Variants in SCUBE1 observed in about 807,000 individuals in gnomAD.
SCUBE1 encodes signal peptide, CUB and EGF-like domain-containing protein 1.
A neutral mutation model predicts 124.4 loss-of-function variants in SCUBE1; 59 were observed. That is an observed-to-expected ratio of 0.47 (90% CI 0.38 to 0.59). SCUBE1 has a LOEUF of 0.59. Among genes scored for constraint, SCUBE1 ranks in the 20% least tolerant of loss-of-function variants. The probability of loss-of-function intolerance (pLI) is 0.00; values close to 1 mark genes in which losing one functional copy is unlikely to be tolerated. For missense variants in SCUBE1, 1,150 were observed against 1,371.2 expected (o/e 0.84, Z 2.55); for synonymous variants, 545 against 550.9 (o/e 0.99, Z 0.15).
intron 3 of SCUBE1, among the ~76,000 whole-genome samples, chr22:43,293,100 T>C (rs1003351751): frequency 1.9e-4 from 29 of 151,882 alleles, no homozygotes; most frequent in African/African-American, 7.0e-4. Flanking sequence ...GGGTGGCGAG[T>C]GGTCGCCTCC....
At chr22:43,246,429 A>T (rs1040456772) in intron 6 of SCUBE1, among the ~76,000 whole-genome samples, 1 of 152,168 alleles carries the variant, frequency 6.6e-6, no homozygotes. Flanking sequence ...CGGACCCTCC[A>T]GCTGTGTGTG....
intron 10 of SCUBE1, among the ~76,000 whole-genome samples, chr22:43,223,971 A>G (rs1341660194): frequency 1.3e-5 from 2 of 152,228 alleles, no homozygotes; most frequent in African/African-American, 4.8e-5. Context: ...ACCTGCCTGG[A>G]ATAAGCTTTG....
intron 7 of SCUBE1, 65 bp from the exon 8 acceptor site, chr22:43,231,940 G>A: frequency 6.3e-7 from 1 of 1,590,240 alleles, no homozygotes. Flanking sequence ...ACCAGCGGGG[G>A]GACGGCAGGC....
chr22:43,271,763 G>C (rs1924301619), intron 4 of SCUBE1, among the ~76,000 whole-genome samples: 1 of 152,146 alleles, frequency 6.6e-6, no homozygotes, highest in African/African-American at 2.4e-5. Context: ...ATCCCTAGGG[G>C]GTAGTCCCCT....
At chr22:43,269,360 A>G (rs1924202456) in intron 4 of SCUBE1, among the ~76,000 whole-genome samples, 1 of 152,180 alleles carries the variant, frequency 6.6e-6, no homozygotes, top group African/African-American at 2.4e-5. Flanking sequence ...GCCCCGAGCC[A>G]GTGCGTACAT....
intron 6 of SCUBE1, among the ~76,000 whole-genome samples, chr22:43,247,403 A>C (rs1923259108): frequency 6.6e-6 from 1 of 152,192 alleles, no homozygotes; most frequent in South Asian, 2.1e-4. Context: ...GGATAACCAG[A>C]AAGGATCACC....
intron 6 of SCUBE1, among the ~76,000 whole-genome samples, chr22:43,256,639 G>A (rs1285064136): frequency 6.6e-6 from 1 of 152,258 alleles, no homozygotes; most frequent in South Asian, 2.1e-4. Flanking sequence ...AAGAAAGGAT[G>A]ATTCAGGTGG....
At chr22:43,310,517 C>T (rs903087069) in intron 3 of SCUBE1, among the ~76,000 whole-genome samples, 1 of 152,222 alleles carries the variant, frequency 6.6e-6, no homozygotes, top group African/African-American at 2.4e-5. Flanking sequence ...AGCAAAGATG[C>T]TTCCAGATGA....
intron 14 of SCUBE1, among the ~76,000 whole-genome samples, chr22:43,219,763 G>C (rs746987386): frequency 3.9e-5 from 6 of 151,994 alleles, no homozygotes; most frequent in Non-Finnish European, 8.8e-5. Flanking sequence ...GCGTGAGCCA[G>C]TGTGCCCAGC....
chr22:43,232,616 T>C (rs931691917), intron 7 of SCUBE1: 1 of 152,334 alleles, frequency 6.6e-6, no homozygotes, highest in African/African-American at 2.4e-5. Flanking sequence ...TGCTTAACAG[T>C]GAATGAGTTG....
intron 19 of SCUBE1, among the ~76,000 whole-genome samples, chr22:43,208,741 C>T (rs1921404455): frequency 1.3e-5 from 2 of 152,194 alleles, no homozygotes; most frequent in South Asian, 2.1e-4. Flanking sequence ...CCTGATCTCC[C>T]GAGGAGGAAA....
At chr22:43,239,058 T>A in intron 6 of SCUBE1, 104 bp from the exon 7 acceptor site, 1 of 881,788 alleles carries the variant, frequency 1.1e-6, no homozygotes, top group Non-Finnish European at 1.8e-6. Context: ...GAGACCCGGG[T>A]TCAAGCTCTG....
rs139039713 is a variant in SCUBE1, at chr22:43,229,108, G to A, written c.1048C>T (p.Arg350Cys). ...GTTGTCCCGTAGAGGATGTAGCCGC[G>A]GTGACACAGGCACTGGAAGCTGCCC... is the stretch of plus-strand genomic sequence containing the variant. ...SPGSFQCLCH[R>C]GYILYGTTHC... Residue 350 changes from arginine (R) to cysteine (C), a missense_variant, in exon 9 of 22, where the codon CGC (arginine) becomes TGC (cysteine). Arg to Cys is a radical substitution (Grantham distance 180, BLOSUM62 -3). Transcript: ENST00000360835. The A allele has an allele frequency of 9.3e-6, 15 of 1,613,806 alleles. No individual in the cohort carries two copies. The East Asian group carries it at 1.8e-4, about 19-fold the overall frequency.
chr22:43,202,712 T>G lies in SCUBE1; in HGVS notation c.*1285A>C, dbSNP rs914248844. On this transcript the variant is annotated 3_prime_UTR_variant, in exon 22 of 22. Transcript: ENST00000360835. Reference sequence around the variant, plus strand: ...TGAGGCCTCCCAAGCCATGTGGAAATGTGAGTCAATTCAACCTCTTTCCTT... The same window carrying G: ...TGAGGCCTCCCAAGCCATGTGGAAAGGTGAGTCAATTCAACCTCTTTCCTT... 1.3e-5 allele frequency: 2 copies of G among 152,270 alleles called. No homozygotes were observed. The highest frequency in any genetic ancestry group is 1.5e-5 in the Non-Finnish European group (1 of 68,088). The allele number at this position is 152,270 out of a possible 1,614,324, so 9.4% of individuals were successfully genotyped here. A position where few individuals can be genotyped will look rare whatever the true frequency, so the allele number is the denominator to read the frequency against.
chr22:43,236,930 G>C (rs1385658489), intron 7 of SCUBE1, among the ~76,000 whole-genome samples: 1 of 152,214 alleles, frequency 6.6e-6, no homozygotes, highest in Non-Finnish European at 1.5e-5. Context: ...TGTTCCGTGA[G>C]CGAGCGAGTG....
intron 4 of SCUBE1, among the ~76,000 whole-genome samples, chr22:43,278,006 G>A (rs571274327): frequency 2.4e-4 from 36 of 152,386 alleles, no homozygotes; most frequent in Admixed American, 1.0e-3. Context: ...TACCACTGAT[G>A]TGAAGTCAGT....
chr22:43,264,763 C>T (rs1162619909), intron 4 of SCUBE1, among the ~76,000 whole-genome samples: 2 of 152,228 alleles, frequency 1.3e-5, no homozygotes, highest in East Asian at 1.9e-4. Context: ...GGGCAGCCCC[C>T]GAGGGTGCTC....
intron 7 of SCUBE1, chr22:43,237,851 TG>T (rs1252986849): frequency 2.0e-5 from 3 of 152,110 alleles, no homozygotes; most frequent in Non-Finnish European, 4.4e-5. Flanking sequence ...TGGCAGAGTG[TG>T]GGGGTACTGC....
chr22:43,239,672 G>A (rs1037636807), intron 6 of SCUBE1, among the ~76,000 whole-genome samples: 1 of 152,272 alleles, frequency 6.6e-6, no homozygotes, highest in Non-Finnish European at 1.5e-5. Context: ...GGCTGGCAGA[G>A]CTGGCACACC....
Sources: allele counts gnomAD v4.1 joint callset (sites outside exome capture counted in the v4.1 genomes callset), GRCh38; gene constraint gnomAD v4.1.1; transcripts MANE v1.5; gene names NCBI Gene and HGNC (gene_info 2026-07-23, HGNC 2026-07-21).